Variants in PALLD observed in about 807,000 individuals in gnomAD.
The protein encoded by PALLD is palladin, cytoskeletal associated protein, also known as palladin.
Under a neutral mutation model 123.5 loss-of-function variants are expected in PALLD, and 61 were observed. The ratio of observed to expected loss-of-function variants is 0.49; its 90% CI spans 0.40 to 0.61. The LOEUF (loss-of-function observed/expected upper bound fraction) is 0.61. Ranked by LOEUF, PALLD falls within the 20% of genes least tolerant of loss-of-function variation. The probability of loss-of-function intolerance (pLI) is 0.00; values close to 1 mark genes in which losing one functional copy is unlikely to be tolerated. For missense variants in PALLD, 1,273 were observed against 1,377.0 expected, an observed-to-expected ratio of 0.92 and a Z score of 1.20; for synonymous variants, 465 against 496.4, an observed-to-expected ratio of 0.94 and a Z score of 0.84.
At chr4:168,561,790 C>T (rs908805645) in intron 2 of PALLD, among the ~76,000 whole-genome samples, 2 of 151,994 alleles carry the variant, frequency 1.3e-5, no homozygotes, top group Admixed American at 6.6e-5. Context: ...CATTGATATT[C>T]GGGGGAAGTA....
At chr4:168,624,032 A>G (rs1403284857) in intron 2 of PALLD, among the ~76,000 whole-genome samples, 2 of 152,210 alleles carry the variant, frequency 1.3e-5, no homozygotes, top group African/African-American at 4.8e-5. Context: ...GTGGTCAGGA[A>G]ACATATATGA....
intron 10 of PALLD, among the ~76,000 whole-genome samples, chr4:168,731,784 C>G (rs905978727): frequency 1.3e-5 from 2 of 152,070 alleles, no homozygotes; most frequent in Non-Finnish European, 2.9e-5. Flanking sequence ...TTCAGACCAC[C>G]CTAAAGTTCC....
intron 15 of PALLD, among the ~76,000 whole-genome samples, chr4:168,909,203 G>C (rs1758406309): frequency 6.6e-6 from 1 of 152,142 alleles, no homozygotes; most frequent in Admixed American, 6.5e-5. Flanking sequence ...ACTTTGTTTT[G>C]TTGTGTTGCT....
chr4:168,608,315 A>T (rs1773389920), intron 2 of PALLD, among the ~76,000 whole-genome samples: 1 of 152,162 alleles, frequency 6.6e-6, no homozygotes, highest in Admixed American at 6.5e-5. Context: ...CCTGCCAATG[A>T]GCTCATCCAA....
In PALLD at chr4:168,922,100, TATACACACACACACAC is replaced by T. The variant is rs1399497875; in HGVS notation, c.3058+361_3058+376del. 2.2e-3 allele frequency among the ~76,000 whole-genome samples: 213 copies of T among 96,576 alleles called. 2 individuals are homozygous for T. The highest frequency in any genetic ancestry group is 0.013 in the Admixed American group (101 of 8,052). The allele number at this position is 96,576 out of a possible 152,430, so 63.4% of individuals were successfully genotyped here. On this transcript the variant is annotated intron_variant, in intron 18 of 21. Coordinates refer to ENST00000505667, the MANE Select transcript of PALLD (RefSeq NM_001166108.2). ...AGTTTTATATTTATATATATATATA[TATACACACACACACAC>T]ACACACACACACACACACACACACA...
intron 10 of PALLD, among the ~76,000 whole-genome samples, chr4:168,821,049 T>C (rs1742645979): frequency 1.3e-5 from 2 of 152,190 alleles, no homozygotes; most frequent in South Asian, 2.1e-4. Context: ...GTCGCATGCT[T>C]TGCTTGTCCA....
chr4:168,880,092 G>A (rs1752403357), intron 10 of PALLD, among the ~76,000 whole-genome samples: 1 of 152,172 alleles, frequency 6.6e-6, no homozygotes, highest in Admixed American at 6.5e-5. Context: ...TTTCAAAGGT[G>A]GTGATGATTG....
chr4:168,841,155 A>T (rs999408055), intron 10 of PALLD, among the ~76,000 whole-genome samples: 1 of 152,144 alleles, frequency 6.6e-6, no homozygotes, highest in Non-Finnish European at 1.5e-5. Context: ...GGCCCACTAT[A>T]TAAATGTTTA....
chr4:168,888,310 A>G (rs1362287726), intron 10 of PALLD, among the ~76,000 whole-genome samples: 1 of 152,234 alleles, frequency 6.6e-6, no homozygotes, highest in Non-Finnish European at 1.5e-5. Context: ...ATCAGTTAGC[A>G]TATTTTCCAC....
Position 168,599,632 on chromosome 4 carries a change from G to A in PALLD, c.909-68558G>A, listed in dbSNP as rs1411192635. The stretch of plus-strand genomic sequence containing the variant: ...AAAGAGCAAGTTAGCCAGGCATGGT[G>A]ACACACACCTGTAGTCCTAGCTACT... On this transcript the variant is annotated intron_variant, in intron 2 of 21. Transcript: ENST00000505667. Among the ~76,000 whole-genome samples the A allele has an allele frequency of 5.9e-5, 9 of 152,238 alleles. No individual in the cohort carries two copies. The East Asian group carries it at 1.5e-3, about 26-fold the overall frequency.
chr4:168,809,876 A>AG (rs1202123999), intron 10 of PALLD, among the ~76,000 whole-genome samples: 9 of 53,032 alleles, frequency 1.7e-4, no homozygotes, highest in African/African-American at 4.9e-4. Context: ...AAAAAAAAAG[A>AG]AAAAAAAATC....
At chr4:168,547,881 G>C (rs1766315629) in intron 2 of PALLD, among the ~76,000 whole-genome samples, 1 of 148,108 alleles carries the variant, frequency 6.8e-6, no homozygotes. Context: ...GGGAGGCGGA[G>C]CTTGCAGTGA....
At chr4:168,837,146 A>G (rs1395484451) in intron 10 of PALLD, among the ~76,000 whole-genome samples, 1 of 152,190 alleles carries the variant, frequency 6.6e-6, no homozygotes, top group African/African-American at 2.4e-5. Flanking sequence ...GGATCCTGGC[A>G]GTAGCTGGCT....
At chr4:168,685,365 G>T in intron 5 of PALLD, 120 bp from the exon 6 acceptor site, 1 of 763,168 alleles carries the variant, frequency 1.3e-6, no homozygotes, top group Non-Finnish European at 2.4e-6. Context: ...GATGTATGGT[G>T]GTACTTTCAT....
At chr4:168,579,754 A>G (rs1770041005) in intron 2 of PALLD, among the ~76,000 whole-genome samples, 1 of 151,998 alleles carries the variant, frequency 6.6e-6, no homozygotes, top group African/African-American at 2.4e-5. Flanking sequence ...CTGGAATTTT[A>G]TTTTATTTTG....
chr4:168,520,903 A>C lies in PALLD; in HGVS notation c.908+8491A>C, dbSNP rs550590482. Among the ~76,000 whole-genome samples the C allele has an allele frequency of 3.9e-5, 6 of 152,348 alleles. No homozygotes were observed. The East Asian group carries it at 1.2e-3, about 29-fold the overall frequency. ...ATATCACTATACAGTTAGAAGTTTGAATTGGTTATGACAGTCATTGGTATC... is the reference window on the plus strand; with the variant it reads ...ATATCACTATACAGTTAGAAGTTTGCATTGGTTATGACAGTCATTGGTATC... On this transcript the variant is annotated intron_variant, in intron 2 of 21. Transcript: ENST00000505667.
intron 10 of PALLD, among the ~76,000 whole-genome samples, chr4:168,875,486 GAAAT>G (rs2151101245): frequency 6.6e-6 from 1 of 152,138 alleles, no homozygotes; most frequent in South Asian, 2.1e-4. Flanking sequence ...TTTAAAATTC[GAAAT>G]AAATGTTTTT....
intron 2 of PALLD, among the ~76,000 whole-genome samples, chr4:168,663,034 A>G (rs1043728660): frequency 4.6e-5 from 7 of 152,216 alleles, no homozygotes; most frequent in African/African-American, 1.7e-4. Flanking sequence ...CTCTCTCCAT[A>G]TATATTTTAA....
chr4:168,582,489 CT>C (rs1339302843), intron 2 of PALLD, among the ~76,000 whole-genome samples: 2 of 152,032 alleles, frequency 1.3e-5, no homozygotes, highest in Non-Finnish European at 2.9e-5. Context: ...TGGCTAGGAC[CT>C]CCTGTACTAT....
Sources: gnomAD v4.1 joint callset for allele counts (sites outside exome capture counted in the v4.1 genomes callset) on GRCh38, gnomAD v4.1.1 for gene constraint, MANE v1.5 for transcripts, NCBI Gene and HGNC (gene_info 2026-07-23, HGNC 2026-07-21) for gene names.